SETBP1: variants seen among roughly 807,000 people sequenced by gnomAD.
SETBP1 encodes the protein SET binding protein 1.
Under a neutral mutation model 101.0 loss-of-function variants are expected in SETBP1, and 9 were observed. That is an observed-to-expected ratio of 0.09 (90% CI 0.05 to 0.16). The LOEUF (loss-of-function observed/expected upper bound fraction) is 0.16, where lower values mean the gene tolerates loss of function less well. Ranked by LOEUF, SETBP1 falls within the 10% of genes least tolerant of loss-of-function variation. The pLI is 1.00. For missense variants in SETBP1, 1,858 were observed against 2,033.8 expected, an observed-to-expected ratio of 0.91 and a Z score of 1.66; for synonymous variants, 818 against 788.5, an observed-to-expected ratio of 1.04 and a Z score of -0.63.
chr18:44,876,642 C>A, intron 3 of SETBP1: 1 of 1,551,478 alleles, frequency 6.4e-7, no homozygotes, highest in Non-Finnish European at 8.7e-7. Flanking sequence ...AATTCCTGTC[C>A]CAGGAACGTG....
chr18:44,913,342 C>T (rs2070355966), intron 3 of SETBP1, among the ~76,000 whole-genome samples: 1 of 152,236 alleles, frequency 6.6e-6, no homozygotes, highest in Non-Finnish European at 1.5e-5. Context: ...CTTCTCCTGT[C>T]TGTCCTTCTG....
At chr18:44,849,491 G>A (rs1268165612) in intron 2 of SETBP1, among the ~76,000 whole-genome samples, 1 of 152,166 alleles carries the variant, frequency 6.6e-6, no homozygotes, top group Non-Finnish European at 1.5e-5. Context: ...TATGAGCCCG[G>A]GATGGTTTCC....
chr18:44,725,444 A>T (rs2069685894), intron 2 of SETBP1, among the ~76,000 whole-genome samples: 1 of 152,140 alleles, frequency 6.6e-6, no homozygotes, highest in African/African-American at 2.4e-5. Context: ...TTGGGGAAGT[A>T]GTTAGGAAAC....
At chr18:44,995,135 CTT>C (rs58617770) in intron 4 of SETBP1, among the ~76,000 whole-genome samples, 11,086 of 94,094 alleles carry the variant, frequency 0.12, 238 homozygotes, top group East Asian at 0.2. Flanking sequence ...ATGTTATTTA[CTT>C]TTTTTTTTTT....
At chr18:45,055,955 T>G (rs996173353) in intron 5 of SETBP1, among the ~76,000 whole-genome samples, 5 of 152,238 alleles carry the variant, frequency 3.3e-5, no homozygotes, top group Non-Finnish European at 7.3e-5. Context: ...TTCTATAGCA[T>G]GAGTTTCTTT....
Position 44,701,569 on chromosome 18 carries a change from G to A in SETBP1, c.223G>A (p.Ala75Thr), listed in dbSNP as rs746316826. Reference protein sequence around the residue: ...SGRDVDSNSNADSEKWVAGDG... With the variant: ...SGRDVDSNSNTDSEKWVAGDG... ...GCGGGATGTGGATTCCAACTCCAAC[G>A]CGGACAGTGAGAAATGGGTGGCAGG... Residue 75 changes from alanine (A) to threonine (T), a missense_variant, in exon 2 of 6, where the codon GCG becomes ACG. Transcript: ENST00000649279. 1.2e-6 allele frequency: 2 copies of A among 1,614,180 alleles called. No individual in the cohort carries two copies. Among genetic ancestry groups the A allele is most frequent in the South Asian group, 1.1e-5 (1 of 91,080 alleles).
intron 2 of SETBP1, among the ~76,000 whole-genome samples, chr18:44,787,267 G>T (rs541328551): frequency 6.6e-6 from 1 of 152,302 alleles, no homozygotes; most frequent in Admixed American, 6.5e-5. Context: ...AGCAGTAATT[G>T]AAAGGATATT....
Position 44,952,443 on chromosome 18 carries a change from T to C in SETBP1, c.3103T>C (p.Leu1035=), listed in dbSNP as rs1240806688. The C allele has an allele frequency of 1.2e-6, 2 of 1,614,124 alleles. No individual in the cohort carries two copies. Among genetic ancestry groups the C allele is most frequent in the East Asian group, 4.5e-5 (2 of 44,858 alleles). ...TNDTMTKVPF[L]QGFSYPIPSG... is the part of the protein sequence containing the mutation. ...TGACACCATGACAAAGGTGCCTTTT[T>C]TACAAGGGTTCAGCTACCCTATTCC... Residue 1035 remains leucine (L), a synonymous_variant, in exon 4 of 6, where the codon TTA becomes CTA. Coordinates refer to ENST00000649279, the MANE Select transcript of SETBP1 (RefSeq NM_015559.3).
chr18:44,762,137 A>G (rs1333910333), intron 2 of SETBP1, among the ~76,000 whole-genome samples: 1 of 76,104 alleles, frequency 1.3e-5, no homozygotes, highest in Non-Finnish European at 2.9e-5. Flanking sequence ...GCTTCTAAAC[A>G]CTTTTTTTTT....
At position 45,063,270 on chromosome 18, in the gene SETBP1, G is replaced by A; in HGVS notation, c.4363G>A (p.Gly1455Arg). ...TGNNFVKKRR[G>R]RPRKQPTQFD... ...CAACAACTTCGTGAAGAAGAGGCGC[G>A]GGCGTCCCAGGAAGCAGCCCACCCA... The change falls in exon 6 of 6, where the codon GGG becomes AGG. Residue 1455 changes from glycine (G) to arginine (R), a missense_variant. Around this residue, in one of 12 missense-constraint regions of SETBP1, gnomAD observed 26 missense variants for 56.3 expected, o/e 0.46. Transcript: ENST00000649279. The A allele has an allele frequency of 6.2e-7, 1 of 1,611,252 alleles. No homozygotes were observed. Among genetic ancestry groups the A allele is most frequent in the Non-Finnish European group, 8.5e-7 (1 of 1,178,622 alleles).
At chr18:44,752,915 A>G (rs1312635806) in intron 2 of SETBP1, among the ~76,000 whole-genome samples, 1 of 152,192 alleles carries the variant, frequency 6.6e-6, no homozygotes, top group Non-Finnish European at 1.5e-5. Flanking sequence ...AGCTTACAAC[A>G]TTCTTCAAAT....
At chr18:44,846,145 G>A (rs1406233602) in intron 2 of SETBP1, among the ~76,000 whole-genome samples, 1 of 152,144 alleles carries the variant, frequency 6.6e-6, no homozygotes, top group Non-Finnish European at 1.5e-5. Context: ...TGATGACTTA[G>A]GAAGTAACAA....
intron 3 of SETBP1, among the ~76,000 whole-genome samples, chr18:44,933,886 C>T (rs573074806): frequency 6.6e-6 from 1 of 152,234 alleles, no homozygotes; most frequent in East Asian, 1.9e-4. Flanking sequence ...TTCCCCAACC[C>T]CTTATGCCTC....
intron 2 of SETBP1, among the ~76,000 whole-genome samples, chr18:44,717,034 T>C (rs1386416881): frequency 6.6e-6 from 1 of 152,182 alleles, no homozygotes; most frequent in Admixed American, 6.5e-5. Context: ...CGCAATGTGA[T>C]GTTACTATCC....
chr18:44,720,326 G>T, intron 2 of SETBP1, among the ~76,000 whole-genome samples: 1 of 151,984 alleles, frequency 6.6e-6, no homozygotes, highest in Non-Finnish European at 1.5e-5. Context: ...AACTAACTAA[G>T]TATTCACATG....
chr18:44,980,015 A>G (rs1293050582), intron 4 of SETBP1, among the ~76,000 whole-genome samples: 1 of 152,206 alleles, frequency 6.6e-6, no homozygotes, highest in Admixed American at 6.5e-5. Flanking sequence ...GTGTGCCCAG[A>G]CTGTCTGAAT....
intron 2 of SETBP1, among the ~76,000 whole-genome samples, chr18:44,840,430 C>T (rs1362072413): frequency 5.3e-5 from 8 of 152,172 alleles, no homozygotes; most frequent in Non-Finnish European, 2.9e-5. Flanking sequence ...CAAGCATGGC[C>T]CACTTTTAAC....
chr18:44,959,851 G>A (rs2071571952), intron 4 of SETBP1, among the ~76,000 whole-genome samples: 1 of 152,212 alleles, frequency 6.6e-6, no homozygotes, highest in African/African-American at 2.4e-5. Context: ...CAGGAGCCAT[G>A]CAAACAAAGG....
At chr18:44,999,727 C>T (rs67463868) in intron 4 of SETBP1, among the ~76,000 whole-genome samples, 2 of 152,256 alleles carry the variant, frequency 1.3e-5, no homozygotes, top group Non-Finnish European at 2.9e-5. Flanking sequence ...CCATTTCATA[C>T]CAGTTGATTC....
Sources: gnomAD v4.1 joint callset for allele counts (sites outside exome capture counted in the v4.1 genomes callset) on GRCh38, gnomAD v4.1.1 for gene constraint, gnomAD v4.1.1 regional missense constraint, MANE v1.5 for transcripts, NCBI Gene and HGNC (gene_info 2026-07-23, HGNC 2026-07-21) for gene names.